Variants in SYT6 observed in about 807,000 individuals in gnomAD.
SYT6 encodes the protein synaptotagmin 6.
Under a neutral mutation model 38.4 loss-of-function variants are expected in SYT6, and 24 were observed. The ratio of observed to expected loss-of-function variants is 0.62; its 90% confidence interval spans 0.45 to 0.88. The LOEUF (loss-of-function observed/expected upper bound fraction) is 0.88, where lower values mean the gene tolerates loss of function less well. Ranked by LOEUF, SYT6 falls within the 40% of genes least tolerant of loss-of-function variation. The pLI, the probability that SYT6 is intolerant of heterozygous loss-of-function variation, is 0.00. For synonymous variants in SYT6, 265 were observed against 241.9 expected (o/e 1.10, Z -0.89); for missense variants, 611 against 621.0 (o/e 0.98, Z 0.17).
At chr1:114,117,911 T>C (rs982460411) in intron 3 of SYT6, among the ~76,000 whole-genome samples, 1 of 152,112 alleles carries the variant, frequency 6.6e-6, no homozygotes, top group Non-Finnish European at 1.5e-5. Flanking sequence ...GCCCAATGAG[T>C]GTATGCACTG....
intron 3 of SYT6, among the ~76,000 whole-genome samples, chr1:114,118,741 A>T (rs1161091259): frequency 1.3e-5 from 2 of 150,394 alleles, no homozygotes; most frequent in African/African-American, 4.9e-5. Context: ...TTCCTCTCTC[A>T]CCTCTTCCAT....
intron 3 of SYT6, among the ~76,000 whole-genome samples, chr1:114,120,070 C>CAAAAAA (rs34846994): frequency 8.2e-6 from 1 of 121,876 alleles, no homozygotes; most frequent in Admixed American, 8.5e-5. Flanking sequence ...GACTCTGTCT[C>CAAAAAA]AAAAAAAAAA....
chr1:114,133,104 AAC>A (rs139971036), intron 3 of SYT6, among the ~76,000 whole-genome samples: 1 of 151,470 alleles, frequency 6.6e-6, no homozygotes, highest in South Asian at 2.1e-4. Flanking sequence ...TCACCCCTAA[AAC>A]ACACACACAC....
intron 2 of SYT6, among the ~76,000 whole-genome samples, chr1:114,138,778 T>C (rs1678668845): frequency 6.6e-6 from 1 of 152,248 alleles, no homozygotes; most frequent in South Asian, 2.1e-4. Context: ...AACTGCCATA[T>C]AAAAGTCATC....
Position 114,137,552 on chromosome 1 carries a change from C to G in SYT6, c.1014G>C (p.Glu338Asp). The change falls in exon 3 of 8, where the codon GAG becomes GAC. Residue 338 changes from glutamate to aspartate, a missense_variant. Transcript: ENST00000610222. ...IGEVILDNLF[E>D]ASDLSRETSI... Reference sequence around the variant, plus strand: ...AGGTTTCCCGAGACAGGTCAGAGGCCTCAAAGAGGTTGTCCAGGATGACCT... The same window carrying G: ...AGGTTTCCCGAGACAGGTCAGAGGCGTCAAAGAGGTTGTCCAGGATGACCT... The G allele has an allele frequency of 6.2e-7, 1 of 1,614,190 alleles. No individual in the cohort carries two copies. The highest frequency in any genetic ancestry group is 8.5e-7 in the Non-Finnish European group (1 of 1,180,032).
intron 3 of SYT6, among the ~76,000 whole-genome samples, chr1:114,126,985 C>A (rs1296326643): frequency 1.3e-5 from 2 of 152,232 alleles, no homozygotes; most frequent in Non-Finnish European, 2.9e-5. Context: ...AAGGCCATTT[C>A]TTCTGAAGCA....
chr1:114,146,772 C>T (rs193181224), intron 1 of SYT6, among the ~76,000 whole-genome samples: 2 of 152,336 alleles, frequency 1.3e-5, no homozygotes, highest in East Asian at 1.9e-4. Context: ...AGACTGGCCT[C>T]ACTAACAGTC....
rs758898309 is a variant in SYT6, at chr1:114,089,418, C to T, written c.*2716G>A. The stretch of plus-strand genomic sequence containing the variant: ...GCAATTAATTAACGTCCTGGGTAAG[C>T]GCAGAGGGGGAGGAGGGCGTCTTTC... On this transcript the variant is annotated 3_prime_UTR_variant, in exon 8 of 8. Transcript: ENST00000610222. The T allele has an allele frequency of 6.6e-6, 1 of 152,506 alleles. No homozygotes were observed. The highest frequency in any genetic ancestry group is 1.5e-5 in the Non-Finnish European group (1 of 68,012). 9.4% of individuals were successfully genotyped at this position (152,506 alleles called of 1,614,324 possible).
At chr1:114,111,649 T>C (rs946321879) in intron 3 of SYT6, among the ~76,000 whole-genome samples, 2 of 117,530 alleles carry the variant, frequency 1.7e-5, no homozygotes, top group Non-Finnish European at 3.9e-5. Context: ...TGGCCTGGGG[T>C]TGTGCTCCCA....
intron 4 of SYT6, 102 bp from the exon 5 acceptor site, chr1:114,099,367 T>G: frequency 8.3e-7 from 1 of 1,206,558 alleles, no homozygotes; most frequent in Non-Finnish European, 1.2e-6. Context: ...CTACTGCTGC[T>G]CATCAGATGG....
intron 3 of SYT6, 69 bp downstream of exon 3, chr1:114,137,426 T>C: frequency 1.3e-6 from 2 of 1,522,550 alleles, no homozygotes; most frequent in South Asian, 2.5e-5. Flanking sequence ...AAGTGAGGGT[T>C]TGGGGACATG....
At chr1:114,093,694 A>G in intron 7 of SYT6, 41 bp downstream of exon 7, 1 of 1,586,718 alleles carries the variant, frequency 6.3e-7, no homozygotes, top group Non-Finnish European at 8.6e-7. Context: ...ACAAAAGGTA[A>G]TAAGCAACCT....
intron 4 of SYT6, among the ~76,000 whole-genome samples, chr1:114,102,404 C>T (rs1676025342): frequency 6.6e-6 from 1 of 152,104 alleles, no homozygotes; most frequent in Admixed American, 6.5e-5. Context: ...AGCACCTTGT[C>T]CTGAAACTTC....
intron 7 of SYT6, among the ~76,000 whole-genome samples, chr1:114,092,658 C>T (rs1675396398): frequency 1.3e-5 from 2 of 152,070 alleles, no homozygotes; most frequent in African/African-American, 2.4e-5. Context: ...CTTCTGCAAC[C>T]CCTTTCTCCT....
intron 3 of SYT6, among the ~76,000 whole-genome samples, chr1:114,118,261 T>A (rs1159777001): frequency 6.6e-6 from 1 of 152,192 alleles, no homozygotes; most frequent in Non-Finnish European, 1.5e-5. Flanking sequence ...TTGTAACTCC[T>A]CCAAAAATTA....
intron 3 of SYT6, among the ~76,000 whole-genome samples, chr1:114,115,552 G>C (rs1450860560): frequency 1.3e-5 from 2 of 151,976 alleles, no homozygotes; most frequent in Non-Finnish European, 2.9e-5. Context: ...GAGTAGCTGG[G>C]ATTACAGGTG....
chr1:114,153,736 G>A lies in SYT6; in HGVS notation c.37C>T (p.Gln13Ter), dbSNP rs1251476217. The change falls in exon 1 of 8, where the codon CAG becomes TAG. Residue 13 changes from glutamine (Q) to a stop codon, truncating the protein, a stop_gained. Coordinates refer to ENST00000610222, the MANE Select transcript of SYT6 (RefSeq NM_001253772.2). LOFTEE classifies it high-confidence loss of function. Reference sequence around the variant, plus strand: ...GAGGCGAGGACCGCGAGCGCCTCCTGGCACCGAGGCCCGCCGGCCCCCCAC... The same window carrying A: ...GAGGCGAGGACCGCGAGCGCCTCCTAGCACCGAGGCCCGCCGGCCCCCCAC... ...GVWGAGGPRC[Q>*]EALAVLASLC... The A allele has an allele frequency of 1.5e-6, 1 of 682,308 alleles. No individual in the cohort carries two copies. The allele number at this position is 682,308 out of a possible 1,614,324, so 42.3% of individuals were successfully genotyped here.
intron 3 of SYT6, among the ~76,000 whole-genome samples, chr1:114,134,638 G>A (rs962203864): frequency 2.6e-5 from 4 of 152,182 alleles, no homozygotes; most frequent in African/African-American, 9.6e-5. Flanking sequence ...AGGTGGATTG[G>A]TTTGCACCAG....
At chr1:114,102,482 C>T (rs1049277079) in intron 4 of SYT6, among the ~76,000 whole-genome samples, 5 of 152,178 alleles carry the variant, frequency 3.3e-5, no homozygotes, top group Non-Finnish European at 5.9e-5. Flanking sequence ...CAGGTGTTTT[C>T]GGCTGGGCCA....
Sources: allele counts gnomAD v4.1 joint callset (sites outside exome capture counted in the v4.1 genomes callset), GRCh38; gene constraint gnomAD v4.1.1; transcripts MANE v1.5; gene names NCBI Gene and HGNC (gene_info 2026-07-23, HGNC 2026-07-21).